COL4A1: variants seen among roughly 807,000 people sequenced by gnomAD.
The protein encoded by COL4A1 is collagen type IV alpha 1 chain.
COL4A1 carries 40 observed loss-of-function variants against 216.6 expected under a neutral mutation model. The observed-to-expected ratio is 0.18, with a 90% CI of 0.14 to 0.24. The LOEUF is 0.24. Ranked by LOEUF, COL4A1 falls within the 10% of genes least tolerant of loss-of-function variation. COL4A1 has a pLI of 1.00. For synonymous variants in COL4A1, 839 were observed against 810.7 expected (o/e 1.03, Z -0.59); for missense variants, 1,628 against 2,196.8 (o/e 0.74, Z 5.18).
chr13:110,179,073 C>T lies in COL4A1; in HGVS notation c.2345-37G>A, dbSNP rs754036434. On this transcript the variant is annotated intron_variant, in intron 30 of 51. Transcript: ENST00000375820. ...AAATTGAGAGTAAGCTGTACAGGAG[C>T]AGTGGCACGTCTCCCGGCCTAGGAG... The T allele has an allele frequency of 1.5e-5, 24 of 1,586,230 alleles. No individual in the cohort carries two copies. The Admixed American group carries it at 3.1e-4, about 21-fold the overall frequency.
chr13:110,167,817 A>G (rs955266694), intron 43 of COL4A1, among the ~76,000 whole-genome samples: 24 of 152,178 alleles, frequency 1.6e-4, no homozygotes, highest in Non-Finnish European at 3.4e-4. Flanking sequence ...TCCTTTCTCA[A>G]GTCGTGGACA....
At chr13:110,203,716 TA>T (rs1879353639) in intron 17 of COL4A1, 109 bp from the exon 18 acceptor site, 1 of 1,164,316 alleles carries the variant, frequency 8.6e-7, no homozygotes, top group South Asian at 1.2e-5. Flanking sequence ...TACAGTAAAT[TA>T]AAACTATTTT....
At chr13:110,265,885 A>C (rs532849734) in intron 1 of COL4A1, 1 of 152,252 alleles carries the variant, frequency 6.6e-6, no homozygotes, top group South Asian at 2.1e-4. Context: ...CTAGACTCTA[A>C]GAGCCCGCGG....
chr13:110,180,578 T>C (rs753660141), intron 29 of COL4A1, among the ~76,000 whole-genome samples: 3 of 152,380 alleles, frequency 2.0e-5, no homozygotes, highest in Admixed American at 6.5e-5. Flanking sequence ...TTCTGGCAAT[T>C]TCACATTGGT....
At chr13:110,246,885 G>A (rs530561916) in intron 1 of COL4A1, among the ~76,000 whole-genome samples, 5 of 152,218 alleles carry the variant, frequency 3.3e-5, no homozygotes, top group Admixed American at 1.3e-4. Flanking sequence ...CACTTAACCC[G>A]AGTGGTCATG....
At chr13:110,176,843 T>C (rs755175422) in intron 34 of COL4A1, 42 bp downstream of exon 34, 5 of 1,614,110 alleles carry the variant, frequency 3.1e-6, no homozygotes, top group South Asian at 2.2e-5. Flanking sequence ...GAAAGGCACA[T>C]TGTGGTTCCG....
rs374764313 is a variant in COL4A1 at position 110,209,379 on chromosome 13, A to G, written c.651+13T>C. The G allele has an allele frequency of 1.1e-5, 17 of 1,611,896 alleles. No homozygotes were observed. In the Admixed American group the frequency reaches 1.7e-4, roughly 16 times the overall value. ...ACTAATGCCAAAGAACAAAAAATGA[A>G]AAGAACTTTTACCTTTTCACCTGGA... On this transcript the variant is annotated intron_variant, in intron 11 of 51. Coordinates refer to ENST00000375820, the MANE Select transcript of COL4A1 (RefSeq NM_001845.6).
intron 20 of COL4A1, 136 bp from the exon 21 acceptor site, chr13:110,198,767 A>G: frequency 9.0e-7 from 1 of 1,106,590 alleles, no homozygotes; most frequent in Non-Finnish European, 1.3e-6. Context: ...TTAGACATGT[A>G]AAACCAAATT....
chr13:110,230,388 C>T (rs941758643), intron 2 of COL4A1, among the ~76,000 whole-genome samples: 9 of 151,990 alleles, frequency 5.9e-5, no homozygotes, highest in East Asian at 5.8e-4. Flanking sequence ...AGGTGGCAGG[C>T]GCGGGTCATC....
chr13:110,186,131 G>A (rs942398819), intron 26 of COL4A1, among the ~76,000 whole-genome samples: 7 of 152,188 alleles, frequency 4.6e-5, no homozygotes, highest in Non-Finnish European at 8.8e-5. Flanking sequence ...TAGCTGGTGC[G>A]TGCTGTGTAC....
At position 110,150,400 on chromosome 13, in the gene COL4A1, T is replaced by C. The variant is rs1255006171; in HGVS notation, c.4973A>G (p.His1658Arg). Residue 1658 changes from histidine to arginine, a missense_variant, in exon 52 of 52, where the codon CAC (histidine) becomes CGC (arginine). His to Arg is a conservative substitution (Grantham distance 29). Coordinates refer to ENST00000375820, the MANE Select transcript of COL4A1 (RefSeq NM_001845.6). ...CATACAGACTTGGCAGCGGCTGACG[T>C]GCGTGCGCAGCTCCCCTGCCTTCAA... ...STLKAGELRT[H>R]VSRCQVCMRR... 6.2e-7 allele frequency: 1 copy of C among 1,614,042 alleles called. No homozygotes were observed.
chr13:110,231,621 G>A (rs949886801), intron 2 of COL4A1, among the ~76,000 whole-genome samples: 4 of 152,150 alleles, frequency 2.6e-5, no homozygotes, highest in African/African-American at 9.7e-5. Context: ...TGAACCTGTA[G>A]GGCAGGCTCC....
At position 110,211,222 on chromosome 13, in the gene COL4A1, G is replaced by A. The variant is rs866088440; in HGVS notation, c.468+425C>T. Among the ~76,000 whole-genome samples the A allele has an allele frequency of 4.3e-4, 65 of 152,142 alleles. No homozygotes were observed. Among genetic ancestry groups the A allele is most frequent in the African/African-American group, 1.4e-3 (60 of 41,434 alleles). The stretch of plus-strand genomic sequence containing the variant: ...CCCCGCCCTGTGCCCAAGCACAGCC[G>A]ACACATTACATGACTGCACAGTCTG... On this transcript the variant is annotated intron_variant, in intron 8 of 51. Transcript: ENST00000375820. The surrounding 1 kb of genome is among the most constrained non-coding windows in gnomAD (Gnocchi z 4.3).
At chr13:110,172,427 C>T (rs1157660694) in intron 41 of COL4A1, among the ~76,000 whole-genome samples, 3 of 152,180 alleles carry the variant, frequency 2.0e-5, no homozygotes, top group African/African-American at 7.2e-5. Flanking sequence ...TTCTGATGAC[C>T]TTCTAGGCAT....
In COL4A1 at chr13:110,162,437, T is replaced by C. The variant is rs560252735; in HGVS notation, c.4255A>G (p.Arg1419Gly). The C allele has an allele frequency of 2.5e-6, 4 of 1,613,736 alleles. No homozygotes were observed. Among genetic ancestry groups the C allele is most frequent in the South Asian group, 1.1e-5 (1 of 91,074 alleles). ...EMGPAGPTGP[R>G]GFPGPPGPDG... ...GGGCCTGGTGGACCTGGAAATCCTCTTGGACCTGGAAGATAGGAGACAAAT... is the reference window on the plus strand; with the variant it reads ...GGGCCTGGTGGACCTGGAAATCCTCCTGGACCTGGAAGATAGGAGACAAAT... The change falls in exon 48 of 52, where the codon AGA (arginine) becomes GGA (glycine). Residue 1419 changes from arginine to glycine, a missense_variant. Physicochemically the swap from Arg to Gly is moderately radical, Grantham distance 125. Transcript: ENST00000375820.
intron 1 of COL4A1, among the ~76,000 whole-genome samples, chr13:110,257,767 A>G (rs917062690): frequency 1.3e-5 from 2 of 152,158 alleles, no homozygotes; most frequent in Non-Finnish European, 2.9e-5. Flanking sequence ...TTTACCAGCA[A>G]CTCTTGAAGC....
chr13:110,162,952 C>G (rs1038354002), intron 47 of COL4A1, among the ~76,000 whole-genome samples: 8 of 152,232 alleles, frequency 5.3e-5, no homozygotes, highest in African/African-American at 1.9e-4. Flanking sequence ...CTTCTGTCCC[C>G]TCTCTAACTG....
Position 110,206,973 on chromosome 13 carries a change from A to G in COL4A1, c.781-82T>C, listed in dbSNP as rs1267091850. 6 of 1,434,444 alleles carry G rather than the reference A, an allele frequency of 4.2e-6. No individual in the cohort carries two copies. In the East Asian group the frequency reaches 1.1e-4, roughly 27 times the overall value. The allele number at this position is 1,434,444 out of a possible 1,614,324, so 88.9% of individuals were successfully genotyped here. On this transcript the variant is annotated intron_variant, in intron 13 of 51. Transcript: ENST00000375820. ...TGCTGCATTAAACACACAGCAGAAA[A>G]AAAAAAAACCTTTTTCTGATATATT...
At chr13:110,176,329 G>A (rs1239364542) in intron 36 of COL4A1, 95 bp downstream of exon 36, 5 of 859,386 alleles carry the variant, frequency 5.8e-6, no homozygotes, top group Non-Finnish European at 1.0e-5. Flanking sequence ...CCTGGATTCT[G>A]TCCGTCTCAG....
Sources: allele counts gnomAD v4.1 joint callset (sites outside exome capture counted in the v4.1 genomes callset), GRCh38; gene constraint gnomAD v4.1.1; non-coding constraint Gnocchi (gnomAD v3.1); transcripts MANE v1.5; gene names NCBI Gene and HGNC (gene_info 2026-07-23, HGNC 2026-07-21).